Variants in APP observed in about 807,000 individuals in gnomAD.
The protein encoded by APP is amyloid beta precursor protein, also known as amyloid-beta precursor protein.
In APP, 31 loss-of-function variants were observed where a neutral mutation model predicts 101.4. That is an observed-to-expected ratio of 0.31 (90% CI 0.23 to 0.41). The LOEUF (loss-of-function observed/expected upper bound fraction) is 0.41. APP is among the 10% of genes least tolerant of loss of function. The pLI is 1.00. For missense variants in APP, 839 were observed against 1,003.7 expected (o/e 0.84, Z 2.22); for synonymous variants, 366 against 364.4 (o/e 1.00, Z -0.05).
chr21:26,149,458 A>G (rs566178893), intron 1 of APP, among the ~76,000 whole-genome samples: 1 of 152,358 alleles, frequency 6.6e-6, no homozygotes, highest in African/African-American at 2.4e-5. Flanking sequence ...GCCTCTCAGC[A>G]AACTATTTTT....
chr21:25,924,440 A>AAAAAAG (rs2039791365), intron 13 of APP, among the ~76,000 whole-genome samples: 1 of 135,928 alleles, frequency 7.4e-6, no homozygotes, highest in Non-Finnish European at 1.6e-5. Context: ...AAAAAAAAAA[A>AAAAAAG]GGTTGAGTTC....
intron 1 of APP, among the ~76,000 whole-genome samples, chr21:26,144,464 AAC>A (rs1202559344): frequency 6.6e-6 from 1 of 152,230 alleles, no homozygotes; most frequent in Non-Finnish European, 1.5e-5. Flanking sequence ...TTACTGCACA[AAC>A]ATTTTATATC....
At chr21:25,949,984 G>C (rs216777) in intron 13 of APP, among the ~76,000 whole-genome samples, 152,328 of 152,330 alleles carry the variant, frequency 1, 76,163 homozygotes, top group Middle Eastern at 1. Flanking sequence ...CTGAATTTCC[G>C]AGTATCTTCA....
intron 8 of APP, among the ~76,000 whole-genome samples, chr21:25,992,463 T>A (rs1238931035): frequency 6.6e-6 from 1 of 152,168 alleles, no homozygotes; most frequent in East Asian, 1.9e-4. Flanking sequence ...ATGAATTTCA[T>A]GTTATTTCAT....
At chr21:26,081,395 G>A (rs1327002152) in intron 3 of APP, among the ~76,000 whole-genome samples, 1 of 151,308 alleles carries the variant, frequency 6.6e-6, no homozygotes, top group Admixed American at 6.6e-5. Context: ...GTTGTTCTCT[G>A]GGGGGCAGGG....
chr21:25,936,457 C>T (rs1380033381), intron 13 of APP, among the ~76,000 whole-genome samples: 2 of 152,200 alleles, frequency 1.3e-5, no homozygotes, highest in South Asian at 2.1e-4. Flanking sequence ...GCACGAGAAT[C>T]GCTTGAACCC....
At chr21:25,939,336 T>C (rs2040481276) in intron 13 of APP, among the ~76,000 whole-genome samples, 1 of 152,220 alleles carries the variant, frequency 6.6e-6, no homozygotes, top group African/African-American at 2.4e-5. Context: ...GACTTACATA[T>C]GGATGCCATG....
chr21:25,981,710 G>C, intron 9 of APP, among the ~76,000 whole-genome samples: 1 of 129,836 alleles, frequency 7.7e-6, no homozygotes, highest in South Asian at 2.7e-4. Context: ...AACCAAAACA[G>C]GTTTTTTTTT....
intron 11 of APP, among the ~76,000 whole-genome samples, chr21:25,969,952 AG>A (rs1191558902): frequency 7.6e-6 from 1 of 131,660 alleles, no homozygotes; most frequent in African/African-American, 3.3e-5. Context: ...GAAGGGAAGA[AG>A]GAAGGAGGGA....
At chr21:25,978,330 C>T (rs2042297796) in intron 9 of APP, among the ~76,000 whole-genome samples, 1 of 152,204 alleles carries the variant, frequency 6.6e-6, no homozygotes, top group African/African-American at 2.4e-5. Context: ...CACTGTGGGA[C>T]TGATAACAAG....
At chr21:26,160,967 A>G (rs1237691512) in intron 1 of APP, among the ~76,000 whole-genome samples, 1 of 152,244 alleles carries the variant, frequency 6.6e-6, no homozygotes, top group African/African-American at 2.4e-5. Flanking sequence ...CTGAAAAAAA[A>G]GAATCTTATT....
intron 1 of APP, among the ~76,000 whole-genome samples, chr21:26,166,207 T>C (rs2063604110): frequency 6.6e-6 from 1 of 152,242 alleles, no homozygotes; most frequent in South Asian, 2.1e-4. Flanking sequence ...TCTGTCTGCT[T>C]TTCTTCTTAT....
chr21:25,914,763 C>T (rs1231428757), intron 13 of APP, among the ~76,000 whole-genome samples: 1 of 152,128 alleles, frequency 6.6e-6, no homozygotes, highest in African/African-American at 2.4e-5. Flanking sequence ...CCGTGTTAGC[C>T]AGGATGGTCT....
intron 9 of APP, among the ~76,000 whole-genome samples, chr21:25,979,331 C>T (rs2042338235): frequency 1.3e-5 from 2 of 152,166 alleles, no homozygotes; most frequent in Non-Finnish European, 2.9e-5. Flanking sequence ...TCTATGGATT[C>T]TTATAAAGCA....
chr21:26,137,159 A>T (rs2062938891), intron 1 of APP, among the ~76,000 whole-genome samples: 1 of 152,182 alleles, frequency 6.6e-6, no homozygotes, highest in South Asian at 2.1e-4. Flanking sequence ...CCAGGCTAAC[A>T]TCAAGTGATC....
At chr21:25,943,449 C>CTTTTT (rs769731298) in intron 13 of APP, among the ~76,000 whole-genome samples, 1 of 109,236 alleles carries the variant, frequency 9.2e-6, no homozygotes. Context: ...CCGCACCCAG[C>CTTTTT]TTTTTTTTTT....
At chr21:25,946,501 A>C (rs1488914614) in intron 13 of APP, among the ~76,000 whole-genome samples, 3 of 152,084 alleles carry the variant, frequency 2.0e-5, no homozygotes, top group Admixed American at 2.0e-4. Context: ...CCCTGTCTCT[A>C]CTAAAAATAC....
In APP at chr21:26,010,951, T is replaced by C. The variant is rs1173750779; in HGVS notation, c.866-10769A>G. 3.3e-5 allele frequency among the ~76,000 whole-genome samples: 5 copies of C among 151,438 alleles called. No homozygotes were observed. The East Asian group carries it at 9.8e-4, about 30-fold the overall frequency. ...AGAGGCAGGTGAATCGCTTGAACCATGGAGGCAGAGATTGCAGTGAACTGA... is the reference window on the plus strand; with the variant it reads ...AGAGGCAGGTGAATCGCTTGAACCACGGAGGCAGAGATTGCAGTGAACTGA... On this transcript the variant is annotated intron_variant, in intron 6 of 17. Coordinates refer to ENST00000346798, the MANE Select transcript of APP (RefSeq NM_000484.4).
chr21:26,166,871 T>TGAGAGAGAGAGTGA (rs1555886354), intron 1 of APP, among the ~76,000 whole-genome samples: 1 of 135,202 alleles, frequency 7.4e-6, no homozygotes, highest in Non-Finnish European at 1.6e-5. Context: ...GTCACTCAAG[T>TGAGAGAGAGAGTGA]GAGAGAGAGA....
Sources: allele counts gnomAD v4.1 joint callset (sites outside exome capture counted in the v4.1 genomes callset), GRCh38; gene constraint gnomAD v4.1.1; transcripts MANE v1.5; gene names NCBI Gene and HGNC (gene_info 2026-07-23, HGNC 2026-07-21).